Variants in MYO5B observed in about 807,000 individuals in gnomAD.
MYO5B encodes myosin VB.
Under a neutral mutation model 229.3 loss-of-function variants are expected in MYO5B, and 143 were observed. The ratio of observed to expected loss-of-function variants is 0.62; its 90% CI spans 0.54 to 0.72. The LOEUF is 0.72. Among genes scored for constraint, MYO5B ranks in the 30% least tolerant of loss-of-function variants. The probability of loss-of-function intolerance (pLI) is 0.00; values close to 1 mark genes in which losing one functional copy is unlikely to be tolerated. For synonymous variants in MYO5B, 918 were observed against 885.2 expected, an observed-to-expected ratio of 1.04 and a Z score of -0.66; for missense variants, 2,321 against 2,331.0, an observed-to-expected ratio of 1.00 and a Z score of 0.09.
chr18:50,182,919 T>C (rs1437837934), intron 1 of MYO5B, among the ~76,000 whole-genome samples: 3 of 152,158 alleles, frequency 2.0e-5, no homozygotes, highest in African/African-American at 4.8e-5. Flanking sequence ...AACCCCACCC[T>C]GGGAACTGTG....
chr18:50,088,719 T>C (rs972239920), intron 1 of MYO5B, among the ~76,000 whole-genome samples: 2 of 152,234 alleles, frequency 1.3e-5, no homozygotes, highest in Non-Finnish European at 2.9e-5. Context: ...ACATGTATAA[T>C]TTATATCCTC....
At position 49,895,121 on chromosome 18, in the gene MYO5B, G is replaced by T. The variant is rs763603836; in HGVS notation, c.2865C>A (p.Tyr955Ter). 1 of 1,614,196 alleles carries T rather than the reference G, an allele frequency of 6.2e-7. No homozygotes were observed. The highest frequency in any genetic ancestry group is 1.1e-5 in the South Asian group (1 of 91,092). Reference protein sequence around the residue: ...SEQLSVTTSTYTMEVERLKKE... With the variant: ...SEQLSVTTST ...TCTTCAGCCGCTCTACCTCCATGGT[G>T]TATGTTGAGGTGGTCACGGACAACT... The change falls in exon 22 of 40, where the codon TAC becomes TAA. Residue 955 changes from tyrosine to a stop codon, truncating the protein, a stop_gained. Transcript: ENST00000285039. LOFTEE classifies it high-confidence loss of function.
intron 1 of MYO5B, among the ~76,000 whole-genome samples, chr18:50,063,111 C>A (rs1476582161): frequency 6.6e-6 from 1 of 152,116 alleles, no homozygotes; most frequent in Non-Finnish European, 1.5e-5. Flanking sequence ...GAGAGCACAG[C>A]CAGCCAAAGA....
chr18:50,109,423 TTTC>T (rs1321999142), intron 1 of MYO5B, among the ~76,000 whole-genome samples: 22 of 143,566 alleles, frequency 1.5e-4, no homozygotes, highest in African/African-American at 5.5e-4. Context: ...GGTCATGATT[TTTC>T]TTTTTTTTTT....
chr18:49,952,495 T>C (rs977311668), intron 14 of MYO5B, among the ~76,000 whole-genome samples: 5 of 152,176 alleles, frequency 3.3e-5, no homozygotes, highest in African/African-American at 1.2e-4. Flanking sequence ...CCTGTGGGTG[T>C]CTTCATCTGC....
rs181210245 is a variant in MYO5B, at chr18:50,036,768, C to A, written c.455+82G>T. ...CCCAATCTCACCACCTCACTGTGAGCATCAGTTGCAGAGGAAGGTAAAAAC... is the reference window on the plus strand; with the variant it reads ...CCCAATCTCACCACCTCACTGTGAGAATCAGTTGCAGAGGAAGGTAAAAAC... On this transcript the variant is annotated intron_variant, in intron 4 of 39. Coordinates refer to ENST00000285039, the MANE Select transcript of MYO5B (RefSeq NM_001080467.3). The A allele has an allele frequency of 6.0e-4, 901 of 1,508,966 alleles. 2 individuals are homozygous for A. Among genetic ancestry groups the A allele is most frequent in the Non-Finnish European group, 7.7e-4 (834 of 1,087,540 alleles). The allele number at this position is 1,508,966 out of a possible 1,614,324, so 93.5% of individuals were successfully genotyped here. A position where few individuals can be genotyped will look rare whatever the true frequency, so the allele number is the denominator to read the frequency against.
intron 1 of MYO5B, among the ~76,000 whole-genome samples, chr18:50,162,387 A>G (rs1219421098): frequency 1.3e-5 from 2 of 151,462 alleles, no homozygotes; most frequent in African/African-American, 2.4e-5. Context: ...AGTTTTTGAT[A>G]CCAAAAGTTA....
chr18:50,157,256 C>A (rs2032695168), intron 1 of MYO5B, among the ~76,000 whole-genome samples: 1 of 152,050 alleles, frequency 6.6e-6, no homozygotes, highest in Non-Finnish European at 1.5e-5. Flanking sequence ...CAGGTGCCTG[C>A]CACCATGCCC....
chr18:49,853,509 TG>T lies in MYO5B; in HGVS notation c.4160del (p.Pro1387GlnfsTer16). 1 of 1,614,186 alleles carries T rather than the reference TG, an allele frequency of 6.2e-7. No homozygotes were observed. The highest frequency in any genetic ancestry group is 8.5e-7 in the Non-Finnish European group (1 of 1,180,030). On this transcript the variant is annotated frameshift_variant, in exon 31 of 40. Transcript: ENST00000285039. LOFTEE classifies it high-confidence loss of function. ...QTFCQTLLLS[P>X]EAQVEFGVQQ... ...GAACGCCGAATTCCACCTGGGCCTC[TG>T]GGGAGAGCAGTAGCGTCTGGCAGAA...
In MYO5B at chr18:50,194,900, C is replaced by T. The variant is rs1395932287; in HGVS notation, c.-107G>A. On this transcript the variant is annotated 5_prime_UTR_variant, in exon 1 of 40. Transcript: ENST00000285039. ...GTTCCCGGGCTGGCCTGGAGTTTCT[C>T]GATCTTCTCGCTCTTCTCCGACCTG... is the stretch of plus-strand genomic sequence containing the variant. The T allele has an allele frequency of 3.3e-6, 4 of 1,216,654 alleles. No homozygotes were observed. Among genetic ancestry groups the T allele is most frequent in the Non-Finnish European group, 4.1e-6 (4 of 977,942 alleles). The allele number at this position is 1,216,654 out of a possible 1,614,324, so 75.4% of individuals were successfully genotyped here.
At chr18:49,839,397 G>A in intron 35 of MYO5B, 103 bp from the exon 36 acceptor site, 2 of 1,255,948 alleles carry the variant, frequency 1.6e-6, no homozygotes, top group East Asian at 4.6e-5. Flanking sequence ...TGGGCAGGGG[G>A]CCTACTCAGG....
At chr18:50,123,012 T>C (rs1744496755) in intron 1 of MYO5B, among the ~76,000 whole-genome samples, 2 of 152,184 alleles carry the variant, frequency 1.3e-5, no homozygotes, top group African/African-American at 4.8e-5. Flanking sequence ...AATACTTTTC[T>C]ATGAAAGTGA....
intron 9 of MYO5B, among the ~76,000 whole-genome samples, chr18:49,976,355 T>C (rs2025750455): frequency 6.6e-6 from 1 of 152,206 alleles, no homozygotes; most frequent in Non-Finnish European, 1.5e-5. Flanking sequence ...AGTTATAAAA[T>C]AATAGAACGC....
At chr18:49,978,578 T>G (rs375341796) in intron 9 of MYO5B, among the ~76,000 whole-genome samples, 1 of 152,090 alleles carries the variant, frequency 6.6e-6, no homozygotes, top group South Asian at 2.1e-4. Flanking sequence ...ACTTCTTGGG[T>G]ACCTGGTGAG....
At chr18:50,131,736 T>G (rs575504597) in intron 1 of MYO5B, among the ~76,000 whole-genome samples, 5 of 152,332 alleles carry the variant, frequency 3.3e-5, no homozygotes, top group African/African-American at 1.2e-4. Flanking sequence ...GTGAAAAAGC[T>G]CATTTGTCAC....
chr18:49,880,542 C>T (rs922481190), intron 22 of MYO5B, 87 bp from the exon 23 acceptor site: 4 of 1,044,670 alleles, frequency 3.8e-6, no homozygotes, highest in Admixed American at 1.7e-5. Context: ...TAACTGGATA[C>T]ATGTAAATGC....
chr18:49,882,741 A>G (rs1429145419), intron 22 of MYO5B, among the ~76,000 whole-genome samples: 1 of 151,736 alleles, frequency 6.6e-6, no homozygotes, highest in Non-Finnish European at 1.5e-5. Flanking sequence ...TGATCAATAT[A>G]TGTAGATGGT....
intron 1 of MYO5B, among the ~76,000 whole-genome samples, chr18:50,086,683 G>C (rs2031337406): frequency 6.6e-6 from 1 of 152,184 alleles, no homozygotes; most frequent in African/African-American, 2.4e-5. Flanking sequence ...AAATGCCAAG[G>C]CTGGGGCATT....
Position 49,992,372 on chromosome 18 carries a change from G to T in MYO5B, c.672C>A (p.Ile224=), listed in dbSNP as rs749868684. 7 of 1,614,160 alleles carry T rather than the reference G, an allele frequency of 4.3e-6. No individual in the cohort carries two copies. The highest frequency in any genetic ancestry group is 1.7e-5 in the Admixed American group (1 of 60,036). ...GGTACCTTTTGTCAAAGCCAATCTG[G>T]ATGTACTTGCCAAAACGGCTGCTGT... is the stretch of plus-strand genomic sequence containing the variant. The part of the protein sequence containing the change: ...NDNSSRFGKY[I]QIGFDKRYHI... Residue 224 remains isoleucine, a synonymous_variant, in exon 6 of 40, where the codon ATC becomes ATA. Transcript: ENST00000285039.
Sources: gnomAD v4.1 joint callset for allele counts (sites outside exome capture counted in the v4.1 genomes callset) on GRCh38, gnomAD v4.1.1 for gene constraint, MANE v1.5 for transcripts, NCBI Gene and HGNC (gene_info 2026-07-23, HGNC 2026-07-21) for gene names.